CSMD1: variants seen among roughly 807,000 people sequenced by gnomAD.
CSMD1 encodes the protein CUB and Sushi multiple domains 1, also known as CUB and sushi domain-containing protein 1.
CSMD1 carries 213 observed loss-of-function variants against 417.5 expected under a neutral mutation model. The ratio of observed to expected loss-of-function variants is 0.51; its 90% CI spans 0.46 to 0.57. CSMD1 has a LOEUF of 0.57. Ranked by LOEUF, CSMD1 falls within the 20% of genes least tolerant of loss-of-function variation. The pLI is 0.00. For synonymous variants in CSMD1, 2,862 were observed against 1,736.8 expected (o/e 1.65, Z -16.11); for missense variants, 6,923 against 4,529.7 (o/e 1.53, Z -15.17).
chr8:3,086,955 G>T lies in CSMD1; in HGVS notation c.7474+142C>A, dbSNP rs1168736288. ...GGAAAGTTTGCATGGCCACTAGAAG[G>T]TTTAATTCGTACTGTTATAAGCCAA... On this transcript the variant is annotated intron_variant, in intron 49 of 69. Coordinates refer to ENST00000635120, the MANE Select transcript of CSMD1 (RefSeq NM_033225.6). 3.9e-6 allele frequency: 3 copies of T among 770,496 alleles called. No homozygotes were observed. In the African/African-American group the frequency reaches 5.2e-5, roughly 13 times the overall value. The allele number at this position is 770,496 out of a possible 1,614,324, so 47.7% of individuals were successfully genotyped here.
intron 1 of CSMD1, among the ~76,000 whole-genome samples, chr8:4,717,412 CACACACTATATATATACACAT>C (rs1808739049): frequency 8.0e-5 from 12 of 149,636 alleles, no homozygotes; most frequent in Non-Finnish European, 1.2e-4. Flanking sequence ...CATATATACA[CACACACTATATATATACACAT>C]ACACTATATA....
chr8:3,990,926 C>G (rs1329397195), intron 5 of CSMD1, among the ~76,000 whole-genome samples: 6 of 152,168 alleles, frequency 3.9e-5, no homozygotes, highest in African/African-American at 1.2e-4. Flanking sequence ...CCTTCACTGC[C>G]TGGTGAAAGC....
intron 3 of CSMD1, among the ~76,000 whole-genome samples, chr8:4,073,698 C>G (rs1377382773): frequency 3.9e-5 from 6 of 152,224 alleles, no homozygotes; most frequent in African/African-American, 1.2e-4. Flanking sequence ...AAGTAACTCA[C>G]CAACATGCAA....
chr8:4,129,405 T>G (rs999765733), intron 3 of CSMD1, among the ~76,000 whole-genome samples: 1 of 152,150 alleles, frequency 6.6e-6, no homozygotes, highest in African/African-American at 2.4e-5. Flanking sequence ...CATGTTCTCC[T>G]TTCTTGGCTA....
At chr8:3,608,463 T>A (rs868371054) in intron 8 of CSMD1, among the ~76,000 whole-genome samples, 1 of 152,014 alleles carries the variant, frequency 6.6e-6, no homozygotes, top group Non-Finnish European at 1.5e-5. Flanking sequence ...GAATTTGAAA[T>A]TATATATTAA....
chr8:2,978,190 C>A (rs371012574), intron 55 of CSMD1, among the ~76,000 whole-genome samples: 4 of 152,180 alleles, frequency 2.6e-5, no homozygotes, highest in Non-Finnish European at 4.4e-5. Flanking sequence ...GATGCCAGGT[C>A]AACAGACAGA....
chr8:4,928,828 G>A (rs1333121378), intron 1 of CSMD1, among the ~76,000 whole-genome samples: 1 of 152,116 alleles, frequency 6.6e-6, no homozygotes, highest in Non-Finnish European at 1.5e-5. Flanking sequence ...ACAGGACTTT[G>A]GGAGGCTGAG....
intron 1 of CSMD1, among the ~76,000 whole-genome samples, chr8:4,881,194 G>A (rs568271083): frequency 6.6e-6 from 1 of 152,186 alleles, no homozygotes; most frequent in East Asian, 1.9e-4. Flanking sequence ...TGTGTGCTAT[G>A]TGAAAAATAA....
At chr8:3,570,610 G>A (rs1203804432) in intron 10 of CSMD1, among the ~76,000 whole-genome samples, 2 of 152,178 alleles carry the variant, frequency 1.3e-5, no homozygotes, top group Non-Finnish European at 2.9e-5. Flanking sequence ...CTATCACGGA[G>A]CTACTGAATA....
chr8:4,247,497 T>G (rs953610586), intron 3 of CSMD1, among the ~76,000 whole-genome samples: 2 of 152,178 alleles, frequency 1.3e-5, no homozygotes, highest in African/African-American at 4.8e-5. Flanking sequence ...GCTCATGTTT[T>G]CTTTCGGTGT....
intron 1 of CSMD1, among the ~76,000 whole-genome samples, chr8:4,763,612 G>C (rs1295481456): frequency 1.3e-5 from 2 of 152,074 alleles, no homozygotes; most frequent in Non-Finnish European, 2.9e-5. Context: ...TCCACTCTTT[G>C]ACCTCATTTT....
intron 7 of CSMD1, among the ~76,000 whole-genome samples, chr8:3,661,863 T>C (rs2624085): frequency 0.021 from 3,145 of 152,176 alleles, 94 homozygotes; most frequent in African/African-American, 0.072. Flanking sequence ...TAGATCGGTG[T>C]TGAAGGACGA....
chr8:3,392,075 G>T (rs951988307), intron 17 of CSMD1, among the ~76,000 whole-genome samples: 1 of 138,666 alleles, frequency 7.2e-6, no homozygotes, highest in African/African-American at 2.7e-5. Context: ...ATGGATCCAG[G>T]AAGGGGAACA....
At chr8:3,960,804 A>G (rs1812274681) in intron 5 of CSMD1, among the ~76,000 whole-genome samples, 1 of 151,942 alleles carries the variant, frequency 6.6e-6, no homozygotes, top group Admixed American at 6.6e-5. Context: ...ATTACAATTT[A>G]TTATTTTTAC....
At chr8:4,123,358 C>T (rs1183718304) in intron 3 of CSMD1, among the ~76,000 whole-genome samples, 4 of 152,224 alleles carry the variant, frequency 2.6e-5, no homozygotes, top group African/African-American at 9.6e-5. Context: ...GAGCCTCACC[C>T]ATCCCATAAC....
At chr8:4,852,493 G>A (rs904331564) in intron 1 of CSMD1, among the ~76,000 whole-genome samples, 4 of 152,058 alleles carry the variant, frequency 2.6e-5, no homozygotes, top group East Asian at 1.9e-4. Flanking sequence ...CTCATCTACA[G>A]GTCAGCCAAT....
At chr8:4,764,997 C>G (rs1242007577) in intron 1 of CSMD1, among the ~76,000 whole-genome samples, 1 of 151,576 alleles carries the variant, frequency 6.6e-6, no homozygotes. Flanking sequence ...ATTGAATACC[C>G]TGGAATGGCT....
intron 5 of CSMD1, among the ~76,000 whole-genome samples, chr8:3,853,492 G>A (rs1180844778): frequency 6.6e-6 from 1 of 152,148 alleles, no homozygotes; most frequent in Admixed American, 6.5e-5. Context: ...GTTGTTCACA[G>A]ACACTTCTCA....
chr8:4,888,959 T>A (rs1378948093), intron 1 of CSMD1, among the ~76,000 whole-genome samples: 2 of 152,086 alleles, frequency 1.3e-5, no homozygotes, highest in Non-Finnish European at 2.9e-5. Context: ...TTACTTACAA[T>A]ATAATTCCAA....
Sources: allele counts gnomAD v4.1 joint callset (sites outside exome capture counted in the v4.1 genomes callset), GRCh38; gene constraint gnomAD v4.1.1; transcripts MANE v1.5; gene names NCBI Gene and HGNC (gene_info 2026-07-23, HGNC 2026-07-21).